Variants in SULF1 observed in about 807,000 individuals in gnomAD.
SULF1 encodes sulfatase 1.
A neutral mutation model predicts 110.5 loss-of-function variants in SULF1; 46 were observed. The observed-to-expected ratio is 0.42, with a 90% confidence interval of 0.33 to 0.53. SULF1 has a LOEUF of 0.53. Ranked by LOEUF, SULF1 falls within the 20% of genes least tolerant of loss-of-function variation. SULF1 has a pLI of 0.12. For missense variants in SULF1, 941 were observed against 1,094.2 expected, an observed-to-expected ratio of 0.86 and a Z score of 1.98; for synonymous variants, 371 against 387.1, an observed-to-expected ratio of 0.96 and a Z score of 0.49.
intron 22 of SULF1, among the ~76,000 whole-genome samples, chr8:69,653,729 C>G (rs988905994): frequency 1.3e-5 from 2 of 152,196 alleles, no homozygotes; most frequent in Non-Finnish European, 2.9e-5. Context: ...GGAGGTCTTT[C>G]TGATGATCAG....
chr8:69,564,950 G>T (rs1041442968), intron 5 of SULF1, among the ~76,000 whole-genome samples: 1 of 152,202 alleles, frequency 6.6e-6, no homozygotes, highest in Non-Finnish European at 1.5e-5. Flanking sequence ...GCATCACCCA[G>T]CTGTGCTTAG....
intron 3 of SULF1, among the ~76,000 whole-genome samples, chr8:69,529,791 T>A (rs1447028241): frequency 6.6e-6 from 1 of 152,206 alleles, no homozygotes; most frequent in East Asian, 1.9e-4. Context: ...GCATGGAAAC[T>A]GAGAGCAGGT....
intron 3 of SULF1, among the ~76,000 whole-genome samples, chr8:69,504,335 C>T (rs1811028177): frequency 6.6e-6 from 1 of 151,978 alleles, no homozygotes; most frequent in Non-Finnish European, 1.5e-5. Context: ...CAGTGGATCA[C>T]CTGAGGTCAG....
At chr8:69,525,818 A>G (rs1011781524) in intron 3 of SULF1, among the ~76,000 whole-genome samples, 4 of 152,148 alleles carry the variant, frequency 2.6e-5, no homozygotes, top group East Asian at 1.9e-4. Flanking sequence ...GATGACCACA[A>G]TCTGCCCCCG....
In SULF1 at chr8:69,563,996, T is replaced by C. The variant is rs777937186; in HGVS notation, c.21T>C (p.Ala7=). 1.3e-5 allele frequency: 21 copies of C among 1,614,104 alleles called. No individual in the cohort carries two copies. Among genetic ancestry groups the C allele is most frequent in the Non-Finnish European group, 1.8e-5 (21 of 1,180,038 alleles). MKYSCC[A]LVLAVLGTEL... ...ATACAATGAAGTATTCTTGCTGTGC[T>C]CTGGTTTTGGCTGTCCTGGGCACAG... The change falls in exon 5 of 23, where the codon GCT becomes GCC. Residue 7 remains alanine (A), a synonymous_variant. Transcript: ENST00000402687.
chr8:69,631,110 C>T (rs983470250), intron 19 of SULF1, among the ~76,000 whole-genome samples: 4 of 152,086 alleles, frequency 2.6e-5, no homozygotes, highest in Admixed American at 6.5e-5. Context: ...TAGAGAGAAG[C>T]GATCCCTGTG....
intron 22 of SULF1, 126 bp from the exon 23 acceptor site, chr8:69,658,379 G>T: frequency 1.5e-6 from 1 of 671,136 alleles, no homozygotes; most frequent in South Asian, 2.0e-5. Flanking sequence ...AAATGACTAG[G>T]GGAAAATGCT....
intron 9 of SULF1, among the ~76,000 whole-genome samples, chr8:69,601,083 A>G (rs764018377): frequency 7.9e-5 from 12 of 152,254 alleles, no homozygotes; most frequent in Non-Finnish European, 1.5e-4. Flanking sequence ...TAAGGGCCCC[A>G]TCTAAAGGAA....
At chr8:69,504,602 A>G (rs1252948447) in intron 3 of SULF1, among the ~76,000 whole-genome samples, 1 of 152,168 alleles carries the variant, frequency 6.6e-6, no homozygotes, top group African/African-American at 2.4e-5. Context: ...GATCATTTAG[A>G]TTCACTTGCT....
intron 19 of SULF1, among the ~76,000 whole-genome samples, chr8:69,634,975 T>C (rs367809614): frequency 1.4e-4 from 21 of 152,240 alleles, no homozygotes; most frequent in African/African-American, 5.1e-4. Flanking sequence ...TTTGTATTTT[T>C]AGTAGAGAAG....
At chr8:69,507,427 T>A (rs1229223234) in intron 3 of SULF1, among the ~76,000 whole-genome samples, 2 of 152,202 alleles carry the variant, frequency 1.3e-5, no homozygotes, top group Non-Finnish European at 2.9e-5. Flanking sequence ...TATTCAATTT[T>A]AGGTTCCTTT....
At chr8:69,657,942 A>G (rs1295286050) in intron 22 of SULF1, among the ~76,000 whole-genome samples, 1 of 152,244 alleles carries the variant, frequency 6.6e-6, no homozygotes, top group East Asian at 1.9e-4. Flanking sequence ...GGCAAAAACA[A>G]CAATCAAAGA....
intron 22 of SULF1, among the ~76,000 whole-genome samples, chr8:69,657,613 G>GT (rs1213244465): frequency 1.3e-5 from 2 of 152,094 alleles, no homozygotes; most frequent in Non-Finnish European, 2.9e-5. Context: ...TGGTGTCAAC[G>GT]TTTTTTATCT....
intron 22 of SULF1, among the ~76,000 whole-genome samples, chr8:69,649,777 T>G (rs1789574965): frequency 1.3e-5 from 2 of 152,106 alleles, no homozygotes; most frequent in East Asian, 3.8e-4. Flanking sequence ...AACATCTTGG[T>G]GGTATTACCT....
intron 19 of SULF1, among the ~76,000 whole-genome samples, chr8:69,631,050 C>G (rs4738009): frequency 0.98 from 149,176 of 151,870 alleles, 73,277 homozygotes; most frequent in Middle Eastern, 1. Flanking sequence ...TTTCGGAGAG[C>G]GTGGGGAAGA....
rs535108437 is a variant in SULF1, at chr8:69,468,872, T to A, written c.-391+1922T>A. 8.0e-4 allele frequency among the ~76,000 whole-genome samples: 122 copies of A among 152,298 alleles called. 1 individual carries two copies. Among genetic ancestry groups the A allele is most frequent in the African/African-American group, 2.4e-3 (98 of 41,574 alleles). On this transcript the variant is annotated intron_variant, in intron 1 of 22. Coordinates refer to the SULF1 transcript ENST00000260128. ...GCATCTAACAGAGGCAAGGTGCTAT[T>A]TAGCAACAGGTGCCCCACCAGCATA...
intron 5 of SULF1, among the ~76,000 whole-genome samples, chr8:69,565,161 C>T (rs1396404432): frequency 6.6e-6 from 1 of 152,048 alleles, no homozygotes; most frequent in Admixed American, 6.6e-5. Context: ...CAGCTGGAAG[C>T]AAATGCGCTA....
At chr8:69,493,448 T>TAC (rs56867664) in intron 1 of SULF1, among the ~76,000 whole-genome samples, 11,110 of 144,194 alleles carry the variant, frequency 0.077, 480 homozygotes, top group East Asian at 0.15. Flanking sequence ...CACACAACAC[T>TAC]ACACACACAC....
intron 5 of SULF1, among the ~76,000 whole-genome samples, chr8:69,569,913 G>GA (rs5892204): frequency 6.7e-5 from 10 of 149,482 alleles, no homozygotes; most frequent in Non-Finnish European, 1.3e-4. Flanking sequence ...AGTTTGGGTA[G>GA]AAAAAAAAAT....
Sources: gnomAD v4.1 joint callset for allele counts (sites outside exome capture counted in the v4.1 genomes callset) on GRCh38, gnomAD v4.1.1 for gene constraint, MANE v1.5 for transcripts, NCBI Gene and HGNC (gene_info 2026-07-23, HGNC 2026-07-21) for gene names.